Variants in DLGAP2 observed in about 807,000 individuals in gnomAD.
DLGAP2 encodes the protein disks large-associated protein 2.
In DLGAP2, 26 loss-of-function variants were observed where a neutral mutation model predicts 100.3. The observed-to-expected ratio is 0.26, with a 90% confidence interval of 0.19 to 0.36. DLGAP2 has a LOEUF of 0.36. Ranked by LOEUF, DLGAP2 falls within the 10% of genes least tolerant of loss-of-function variation. DLGAP2 has a pLI of 1.00. For missense variants in DLGAP2, 1,858 were observed against 1,453.2 expected (o/e 1.28, Z -4.53); for synonymous variants, 886 against 630.1 (o/e 1.41, Z -6.08).
chr8:1,626,576 C>G (rs1797506380), intron 6 of DLGAP2, among the ~76,000 whole-genome samples, 164 bp from the exon 7 acceptor site: 1 of 149,046 alleles, frequency 6.7e-6, no homozygotes, highest in Non-Finnish European at 1.5e-5. Flanking sequence ...CCCATCTCTA[C>G]CCTGCAGCAG....
chr8:922,030 C>T lies in DLGAP2; in HGVS notation c.73+14064C>T, dbSNP rs186431067. Among the ~76,000 whole-genome samples the T allele has an allele frequency of 6.6e-5, 10 of 152,342 alleles. No homozygotes were observed. In the East Asian group the frequency reaches 9.6e-4, roughly 15 times the overall value. On this transcript the variant is annotated intron_variant, in intron 2 of 14. Transcript: ENST00000637795. ...GACACAGGTGTGTGGCATGCTGGCC[C>T]GGGTGTGGCACAGCTGGGCAGGTGC...
At chr8:1,565,620 G>A (rs1285725732) in intron 5 of DLGAP2, 63 bp from the exon 6 acceptor site, 1 of 1,337,118 alleles carries the variant, frequency 7.5e-7, no homozygotes, top group Non-Finnish European at 1.0e-6. Flanking sequence ...TTTCCAAAAA[G>A]GAGCTGATGC....
chr8:1,649,603 T>G (rs1798118395), intron 8 of DLGAP2, among the ~76,000 whole-genome samples: 1 of 152,200 alleles, frequency 6.6e-6, no homozygotes, highest in South Asian at 2.1e-4. Flanking sequence ...CTACTGATAT[T>G]TTCCAATGAC....
At chr8:868,229 TC>T (rs1797533993) in intron 1 of DLGAP2, among the ~76,000 whole-genome samples, 1 of 152,212 alleles carries the variant, frequency 6.6e-6, no homozygotes, top group African/African-American at 2.4e-5. Flanking sequence ...TTTTTGTCTG[TC>T]CTGTGGGGTC....
At chr8:1,199,042 G>T (rs915837774) in intron 2 of DLGAP2, among the ~76,000 whole-genome samples, 1 of 152,242 alleles carries the variant, frequency 6.6e-6, no homozygotes, top group African/African-American at 2.4e-5. Flanking sequence ...TTGAATAAAG[G>T]TGAAGTTCCA....
intron 4 of DLGAP2, among the ~76,000 whole-genome samples, chr8:1,516,188 AGT>A: frequency 6.6e-6 from 1 of 152,256 alleles, no homozygotes; most frequent in African/African-American, 2.4e-5. Context: ...TGAGTTACTG[AGT>A]GAGAATGAGT....
At chr8:1,012,572 C>G (rs1437154780) in intron 2 of DLGAP2, among the ~76,000 whole-genome samples, 2 of 124,990 alleles carry the variant, frequency 1.6e-5, no homozygotes, top group African/African-American at 3.1e-5. Flanking sequence ...GTCCAACCAG[C>G]CCCCCACTTC....
chr8:1,229,244 A>G (rs377750240), intron 2 of DLGAP2, among the ~76,000 whole-genome samples: 1 of 152,120 alleles, frequency 6.6e-6, no homozygotes, highest in East Asian at 1.9e-4. Flanking sequence ...TGCTGGTTTC[A>G]TAGAAAGAGG....
intron 1 of DLGAP2, among the ~76,000 whole-genome samples, chr8:766,842 G>C (rs1157261895): frequency 6.6e-6 from 1 of 152,164 alleles, no homozygotes; most frequent in African/African-American, 2.4e-5. Context: ...TCTAAGAGCT[G>C]CTTATTCTTG....
intron 1 of DLGAP2, among the ~76,000 whole-genome samples, chr8:836,142 T>C (rs1392237128): frequency 6.6e-6 from 1 of 152,156 alleles, no homozygotes; most frequent in Non-Finnish European, 1.5e-5. Context: ...GGTCTTAAAT[T>C]TAGACACCGA....
At chr8:1,102,968 C>T (rs1370791293) in intron 2 of DLGAP2, among the ~76,000 whole-genome samples, 1 of 151,216 alleles carries the variant, frequency 6.6e-6, no homozygotes, top group Non-Finnish European at 1.5e-5. Flanking sequence ...TTTCCGGGGT[C>T]TTCATGAGAT....
chr8:1,178,509 C>T (rs1410224620), intron 2 of DLGAP2, among the ~76,000 whole-genome samples: 2 of 152,114 alleles, frequency 1.3e-5, no homozygotes, highest in African/African-American at 2.4e-5. Context: ...TATCAAGTAA[C>T]GTTGACAAAC....
chr8:1,687,773 A>G (rs1799152464), intron 12 of DLGAP2, among the ~76,000 whole-genome samples: 2 of 152,318 alleles, frequency 1.3e-5, no homozygotes, highest in Admixed American at 1.3e-4. Context: ...TAAACTTCAA[A>G]TTTTAAGAAA....
chr8:1,459,419 A>T (rs1050494239), intron 3 of DLGAP2, among the ~76,000 whole-genome samples: 1 of 152,232 alleles, frequency 6.6e-6, no homozygotes, highest in African/African-American at 2.4e-5. Flanking sequence ...GTCACTTGTC[A>T]TGATATTCAT....
intron 12 of DLGAP2, among the ~76,000 whole-genome samples, chr8:1,682,975 G>C (rs1798996888): frequency 6.6e-6 from 1 of 151,144 alleles, no homozygotes; most frequent in Non-Finnish European, 1.5e-5. Context: ...TCCTCCTCTG[G>C]ACTCTCTCAG....
At chr8:1,392,488 G>T (rs1796388026) in intron 3 of DLGAP2, among the ~76,000 whole-genome samples, 1 of 152,238 alleles carries the variant, frequency 6.6e-6, no homozygotes, top group South Asian at 2.1e-4. Flanking sequence ...CCTTCTAAGT[G>T]CCATTGTCCT....
At chr8:907,148 G>A (rs1563089845) in intron 1 of DLGAP2, among the ~76,000 whole-genome samples, 1 of 152,218 alleles carries the variant, frequency 6.6e-6, no homozygotes, top group Non-Finnish European at 1.5e-5. Flanking sequence ...CCTAGAACAG[G>A]TAATAAGCAG....
intron 1 of DLGAP2, among the ~76,000 whole-genome samples, chr8:769,223 A>G (rs1309362908): frequency 6.6e-6 from 1 of 152,166 alleles, no homozygotes; most frequent in African/African-American, 2.4e-5. Context: ...CTGAAAGTTA[A>G]GAGACTAAGA....
At chr8:1,338,706 G>A (rs1250268164) in intron 3 of DLGAP2, among the ~76,000 whole-genome samples, 1 of 152,160 alleles carries the variant, frequency 6.6e-6, no homozygotes, top group African/African-American at 2.4e-5. Flanking sequence ...AGGAGCATAC[G>A]GTCCCATAAT....
Sources: allele counts gnomAD v4.1 joint callset (sites outside exome capture counted in the v4.1 genomes callset), GRCh38; gene constraint gnomAD v4.1.1; transcripts MANE v1.5; gene names NCBI Gene and HGNC (gene_info 2026-07-23, HGNC 2026-07-21).